Variants in MTMR12 observed in about 807,000 individuals in gnomAD.
MTMR12 encodes the protein myotubularin related protein 12.
In MTMR12, 33 loss-of-function variants were observed where a neutral mutation model predicts 96.7. That is an observed-to-expected ratio of 0.34 (90% CI 0.26 to 0.46). The LOEUF is 0.46. MTMR12 is among the 20% of genes least tolerant of loss of function. The pLI is 1.00. For missense variants in MTMR12, 721 were observed against 896.1 expected (o/e 0.80, Z 2.49); for synonymous variants, 298 against 327.2 (o/e 0.91, Z 0.96).
Position 32,270,815 on chromosome 5 carries a change from AC to A in MTMR12, c.489+1del, listed in dbSNP as rs1264877751. The A allele has an allele frequency of 6.2e-7, 1 of 1,603,882 alleles. No individual in the cohort carries two copies. The highest frequency in any genetic ancestry group is 1.3e-5 in the African/African-American group (1 of 74,280). The stretch of plus-strand genomic sequence containing the variant: ...AACCTAAAAACACATGCAACTAGTT[AC>A]CCTTTTGACTTCCTCTTCCTTTGTG... On this transcript the variant is annotated splice_donor_variant, in intron 5 of 15. Transcript: ENST00000382142. LOFTEE classifies it high-confidence loss of function.
chr5:32,273,497 G>GA (rs1749922685), intron 3 of MTMR12, among the ~76,000 whole-genome samples: 1 of 152,234 alleles, frequency 6.6e-6, no homozygotes, highest in Non-Finnish European at 1.5e-5. Flanking sequence ...TTAGTATAGA[G>GA]AAAACGTGGG....
chr5:32,240,466 C>T (rs1265157993), intron 12 of MTMR12, among the ~76,000 whole-genome samples: 1 of 152,070 alleles, frequency 6.6e-6, no homozygotes, highest in African/African-American at 2.4e-5. Context: ...CTCTTTCATC[C>T]TGACCCCTAT....
At chr5:32,276,549 G>A (rs1006173102) in intron 2 of MTMR12, 133 bp downstream of exon 2, 3 of 721,056 alleles carry the variant, frequency 4.2e-6, no homozygotes, top group Non-Finnish European at 6.8e-6. Flanking sequence ...ACCTTGATAT[G>A]TTTTTTCAAT....
intron 1 of MTMR12, among the ~76,000 whole-genome samples, chr5:32,280,053 C>G (rs1352802386): frequency 6.6e-6 from 1 of 152,192 alleles, no homozygotes; most frequent in Non-Finnish European, 1.5e-5. Flanking sequence ...GAGAGGCAGC[C>G]TGGTGGTATT....
chr5:32,272,948 G>A (rs1406846951), intron 3 of MTMR12, among the ~76,000 whole-genome samples: 1 of 152,126 alleles, frequency 6.6e-6, no homozygotes, highest in African/African-American at 2.4e-5. Context: ...AGGGTGATCT[G>A]GGACAGTTGG....
chr5:32,233,784 T>G lies in MTMR12; in HGVS notation c.1663A>C (p.Met555Leu). ...PKLDKGQRKG[M>L]RFKHQRQLSL... Reference sequence around the variant, plus strand: ...TGTGGACATCTTACTTTGAAGCGCATTCCTTTCCGTTGGCCTTTGTCCAGT... The same window carrying G: ...TGTGGACATCTTACTTTGAAGCGCAGTCCTTTCCGTTGGCCTTTGTCCAGT... Residue 555 changes from methionine to leucine, a missense_variant, in exon 15 of 16, where the codon ATG (methionine) becomes CTG (leucine). By Grantham distance (15) the Met-to-Leu change is conservative (BLOSUM62 2). Coordinates refer to ENST00000382142, the MANE Select transcript of MTMR12 (RefSeq NM_001040446.3). The surrounding 1 kb of genome is among the most constrained non-coding windows in gnomAD (Gnocchi z 5.0). 6.2e-7 allele frequency: 1 copy of G among 1,614,218 alleles called. No homozygotes were observed. The highest frequency in any genetic ancestry group is 8.5e-7 in the Non-Finnish European group (1 of 1,180,030).
At chr5:32,277,132 G>C (rs769021026) in intron 1 of MTMR12, among the ~76,000 whole-genome samples, 1 of 151,950 alleles carries the variant, frequency 6.6e-6, no homozygotes, top group Non-Finnish European at 1.5e-5. Context: ...TGATCTGCCC[G>C]CGTCAGCCTC....
At chr5:32,273,934 A>G (rs1749945861) in intron 3 of MTMR12, 46 bp downstream of exon 3, 1 of 1,610,974 alleles carries the variant, frequency 6.2e-7, no homozygotes, top group East Asian at 2.2e-5. Flanking sequence ...CGGAACCACA[A>G]CCACACTGTT....
chr5:32,278,940 T>G (rs964664841), intron 1 of MTMR12, among the ~76,000 whole-genome samples: 3 of 150,664 alleles, frequency 2.0e-5, no homozygotes, highest in South Asian at 2.1e-4. Context: ...AGCCGGGGTG[T>G]TGGTGCATGC....
chr5:32,266,505 T>C (rs912911227), intron 6 of MTMR12, among the ~76,000 whole-genome samples: 9 of 151,550 alleles, frequency 5.9e-5, no homozygotes, highest in African/African-American at 9.7e-5. Context: ...CTGGCCAACA[T>C]AGTGAAACCC....
Position 32,233,125 on chromosome 5 carries a change from C to T in MTMR12, c.1674+648G>A, listed in dbSNP as rs958538886. 1.7e-6 allele frequency: 1 copy of T among 600,498 alleles called. No homozygotes were observed. The highest frequency in any genetic ancestry group is 2.1e-6 in the Non-Finnish European group (1 of 478,536). The allele number at this position is 600,498 out of a possible 1,614,324, so 37.2% of individuals were successfully genotyped here. On this transcript the variant is annotated intron_variant, in intron 15 of 15. Transcript: ENST00000382142. This position sits in a 1 kb window ranked among gnomAD's most constrained non-coding sequence, Gnocchi z 5.0. ...CTCATAGCATAGGTCAGCAAACTGG[C>T]CACCCCTCCGGCCAAATCTGGCCTG... is the stretch of plus-strand genomic sequence containing the variant.
At chr5:32,241,532 C>T (rs1274639957) in intron 12 of MTMR12, among the ~76,000 whole-genome samples, 2 of 152,212 alleles carry the variant, frequency 1.3e-5, no homozygotes, top group African/African-American at 4.8e-5. Context: ...TAACTAGTTA[C>T]AGCACCAATC....
intron 13 of MTMR12, among the ~76,000 whole-genome samples, chr5:32,238,563 T>C (rs780379644): frequency 6.6e-6 from 1 of 152,198 alleles, no homozygotes; most frequent in African/African-American, 2.4e-5. Flanking sequence ...ATTTGAAATC[T>C]GAAACACTTC....
At chr5:32,270,136 A>G (rs1346909535) in intron 5 of MTMR12, among the ~76,000 whole-genome samples, 1 of 152,140 alleles carries the variant, frequency 6.6e-6, no homozygotes, top group East Asian at 1.9e-4. Context: ...TCTGAGATCA[A>G]TATCTTAGTA....
At position 32,312,737 on chromosome 5, in the gene MTMR12, G is replaced by C; in HGVS notation, c.81+21C>G. The C allele has an allele frequency of 6.7e-7, 1 of 1,494,344 alleles. No homozygotes were observed. The allele number at this position is 1,494,344 out of a possible 1,614,324, so 92.6% of individuals were successfully genotyped here. ...CCCGGCCGCCCCTGCCCGACGCCCCGCCTGCGCGGCGCCCCCTCACCTCAG... is the reference window on the plus strand; with the variant it reads ...CCCGGCCGCCCCTGCCCGACGCCCCCCCTGCGCGGCGCCCCCTCACCTCAG... On this transcript the variant is annotated intron_variant, in intron 1 of 15. Coordinates refer to ENST00000382142, the MANE Select transcript of MTMR12 (RefSeq NM_001040446.3). The surrounding 1 kb of genome is among the most constrained non-coding windows in gnomAD (Gnocchi z 5.0).
intron 3 of MTMR12, 72 bp downstream of exon 3, chr5:32,273,908 T>C: frequency 6.3e-6 from 10 of 1,592,106 alleles, no homozygotes; most frequent in South Asian, 1.1e-5. Context: ...ACTGAGAAGC[T>C]GGGAAAAAAA....
chr5:32,238,947 A>C, intron 13 of MTMR12, 54 bp downstream of exon 13: 9 of 1,454,550 alleles, frequency 6.2e-6, no homozygotes, highest in Non-Finnish European at 7.3e-6. Flanking sequence ...GTATTAAATA[A>C]GAGATTCAGT....
Position 32,229,956 on chromosome 5 carries a change from TG to T in MTMR12, c.2065del (p.Gln689ArgfsTer8), listed in dbSNP as rs1166239304. The part of the protein sequence containing the change: ...DERHHSQQAP[Q>X]AEAPCLLRNS... ...CCTCAGCAGGCAGGGGGCCTCAGCC[TG>T]GGGGGCCTGCTGGCTGTGGTGTCTC... On this transcript the variant is annotated frameshift_variant, in exon 16 of 16. Transcript: ENST00000382142. LOFTEE classifies it high-confidence loss of function. 2 of 1,612,132 alleles carry T rather than the reference TG, an allele frequency of 1.2e-6. No homozygotes were observed. Among genetic ancestry groups the T allele is most frequent in the African/African-American group, 1.3e-5 (1 of 74,890 alleles).
intron 13 of MTMR12, among the ~76,000 whole-genome samples, chr5:32,235,560 G>A (rs1011084004): frequency 7.2e-4 from 109 of 152,214 alleles, no homozygotes; most frequent in African/African-American, 2.4e-3. Context: ...AAAAGTTACG[G>A]GGGGTGGGAG....
Sources: allele counts gnomAD v4.1 joint callset (sites outside exome capture counted in the v4.1 genomes callset), GRCh38; gene constraint gnomAD v4.1.1; non-coding constraint Gnocchi (gnomAD v3.1); transcripts MANE v1.5; gene names NCBI Gene and HGNC (gene_info 2026-07-23, HGNC 2026-07-21).